FAM171A1: variants seen among roughly 807,000 people sequenced by gnomAD.
The protein encoded by FAM171A1 is protein FAM171A1.
A neutral mutation model predicts 74.9 loss-of-function variants in FAM171A1; 23 were observed. The observed-to-expected ratio is 0.31, with a 90% CI of 0.22 to 0.44. The LOEUF (loss-of-function observed/expected upper bound fraction) is 0.44. Among genes scored for constraint, FAM171A1 ranks in the 20% least tolerant of loss-of-function variants. The pLI, the probability that FAM171A1 is intolerant of heterozygous loss-of-function variation, is 1.00. For missense variants in FAM171A1, 1,162 were observed against 1,159.2 expected, an observed-to-expected ratio of 1.00 and a Z score of -0.03; for synonymous variants, 527 against 505.7, an observed-to-expected ratio of 1.04 and a Z score of -0.57.
At chr10:15,257,029 G>A (rs1834589546) in intron 3 of FAM171A1, among the ~76,000 whole-genome samples, 1 of 152,192 alleles carries the variant, frequency 6.6e-6, no homozygotes, top group South Asian at 2.1e-4. Flanking sequence ...GCTGCTGATA[G>A]TATTCAATGA....
At chr10:15,257,504 G>A (rs1391798595) in intron 3 of FAM171A1, among the ~76,000 whole-genome samples, 1 of 152,182 alleles carries the variant, frequency 6.6e-6, no homozygotes, top group African/African-American at 2.4e-5. Flanking sequence ...AGTGTTACAT[G>A]CATTTGGGTG....
chr10:15,245,183 A>G (rs1454116308), intron 5 of FAM171A1, among the ~76,000 whole-genome samples: 9 of 152,090 alleles, frequency 5.9e-5, no homozygotes, highest in Non-Finnish European at 1.5e-5. Flanking sequence ...CTCCTGCCTC[A>G]GCCTCTGGCG....
chr10:15,302,410 C>T (rs781238115), intron 1 of FAM171A1, among the ~76,000 whole-genome samples: 10 of 151,266 alleles, frequency 6.6e-5, no homozygotes, highest in Non-Finnish European at 1.0e-4. Flanking sequence ...GGTCGCAGTG[C>T]GCCGAAATTG....
At chr10:15,272,881 C>T (rs1834845106) in intron 3 of FAM171A1, among the ~76,000 whole-genome samples, 2 of 152,172 alleles carry the variant, frequency 1.3e-5, no homozygotes, top group Non-Finnish European at 2.9e-5. Flanking sequence ...CTCTGGGACA[C>T]ATTTAAAGCA....
intron 1 of FAM171A1, among the ~76,000 whole-genome samples, chr10:15,290,572 C>A (rs1835091120): frequency 6.6e-6 from 1 of 152,166 alleles, no homozygotes; most frequent in Non-Finnish European, 1.5e-5. Flanking sequence ...AGAGACCAGA[C>A]CCCTGACCCT....
intron 1 of FAM171A1, among the ~76,000 whole-genome samples, chr10:15,294,859 A>G (rs1835142080): frequency 6.6e-6 from 1 of 152,180 alleles, no homozygotes; most frequent in African/African-American, 2.4e-5. Context: ...GGTATTTGAC[A>G]AAACTGCCGA....
rs778300286 is a variant in FAM171A1 at position 15,214,257 on chromosome 10, A to G, written c.1331T>C (p.Phe444Ser). Residue 444 changes from phenylalanine (F) to serine (S), a missense_variant, in exon 8 of 8, where the codon TTT becomes TCT. Coordinates refer to ENST00000378116, the MANE Select transcript of FAM171A1 (RefSeq NM_001010924.2). ...CGTCCCACTTGGAGTGAGGTTATCAAAGGAGATCTGGCTTTTATCCTCTTC... is the reference window on the plus strand; with the variant it reads ...CGTCCCACTTGGAGTGAGGTTATCAGAGGAGATCTGGCTTTTATCCTCTTC... ...CKEEDKSQIS[F>S]DNLTPSGTLG... 4 of 1,614,006 alleles carry G rather than the reference A, an allele frequency of 2.5e-6. No homozygotes were observed. The East Asian group carries it at 8.9e-5, about 36-fold the overall frequency.
intron 1 of FAM171A1, among the ~76,000 whole-genome samples, chr10:15,358,300 A>T (rs1169450115): frequency 2.0e-5 from 3 of 152,176 alleles, no homozygotes; most frequent in Admixed American, 2.0e-4. Flanking sequence ...AAAGAAAGAA[A>T]AATATTAAAC....
chr10:15,371,955 C>T (rs1836155194), upstream of FAM171A1, among the ~76,000 whole-genome samples: 2 of 152,068 alleles, frequency 1.3e-5, no homozygotes, highest in Non-Finnish European at 2.9e-5. Flanking sequence ...GGATTTATAA[C>T]CGAGGACCAG....
At chr10:15,259,356 C>T (rs1834625988) in intron 3 of FAM171A1, among the ~76,000 whole-genome samples, 1 of 152,206 alleles carries the variant, frequency 6.6e-6, no homozygotes. Flanking sequence ...TCTACTGACA[C>T]TGTGACTGTT....
intron 5 of FAM171A1, among the ~76,000 whole-genome samples, chr10:15,239,065 C>T (rs772873123): frequency 6.6e-6 from 1 of 152,104 alleles, no homozygotes; most frequent in Non-Finnish European, 1.5e-5. Context: ...GTCAGATGTC[C>T]GTCTGACAAC....
At chr10:15,247,867 G>A (rs1229291896) in intron 5 of FAM171A1, among the ~76,000 whole-genome samples, 1 of 152,180 alleles carries the variant, frequency 6.6e-6, no homozygotes, top group Non-Finnish European at 1.5e-5. Flanking sequence ...CACGTGGTAA[G>A]GAGGTAAGGC....
chr10:15,258,022 C>T (rs562489024), intron 3 of FAM171A1, among the ~76,000 whole-genome samples: 10 of 152,184 alleles, frequency 6.6e-5, no homozygotes, highest in African/African-American at 2.4e-4. Context: ...ATACGGGGGT[C>T]CCCGCTTCCT....
In FAM171A1 at chr10:15,213,776, C is replaced by G. The variant is rs748984583; in HGVS notation, c.1812G>C (p.Pro604=). The G allele has an allele frequency of 4.6e-5, 74 of 1,613,932 alleles. No individual in the cohort carries two copies. Among genetic ancestry groups the G allele is most frequent in the Middle Eastern group, 1.6e-4 (1 of 6,084 alleles). ...HSYVSQPLVV[P]ADQQLEIERL... ...TTTCTATCTCAAGCTGCTGATCAGCCGGGACGACGAGGGGCTGGCTGACAT... is the reference window on the plus strand; with the variant it reads ...TTTCTATCTCAAGCTGCTGATCAGCGGGGACGACGAGGGGCTGGCTGACAT... Residue 604 remains proline (P), a synonymous_variant, in exon 8 of 8, where the codon CCG becomes CCC. Coordinates refer to ENST00000378116, the MANE Select transcript of FAM171A1 (RefSeq NM_001010924.2). The surrounding 1 kb of genome is among the most constrained non-coding windows in gnomAD (Gnocchi z 6.8).
intron 5 of FAM171A1, chr10:15,241,059 A>C (rs201788593): frequency 6.9e-6 from 1 of 144,108 alleles, no homozygotes; most frequent in African/African-American, 2.5e-5. Context: ...CAAACAAACA[A>C]ACACAAACAA....
At chr10:15,359,081 A>G (rs561025789) in intron 1 of FAM171A1, among the ~76,000 whole-genome samples, 61 of 152,234 alleles carry the variant, frequency 4.0e-4, no homozygotes, top group Non-Finnish European at 6.9e-4. Flanking sequence ...GCTCCTTTGC[A>G]TACTGTCTGG....
At position 15,212,909 on chromosome 10, in the gene FAM171A1, G is replaced by A. The variant is rs373136244; in HGVS notation, c.*6C>T. The A allele has an allele frequency of 7.4e-5, 119 of 1,613,504 alleles. No individual in the cohort carries two copies. The highest frequency in any genetic ancestry group is 9.0e-5 in the Non-Finnish European group (106 of 1,179,922). On this transcript the variant is annotated 3_prime_UTR_variant, in exon 8 of 8. Transcript: ENST00000378116. The stretch of plus-strand genomic sequence containing the variant: ...ATATTCCACAGTCAGGTGGGTCTGC[G>A]ATAGCTCATTTAATGTTAAACGCCA...
chr10:15,348,195 T>C (rs945474990), intron 1 of FAM171A1, among the ~76,000 whole-genome samples: 2 of 152,138 alleles, frequency 1.3e-5, no homozygotes, highest in Admixed American at 6.5e-5. Flanking sequence ...GCCAGGCTCA[T>C]CTCAAACTCC....
At chr10:15,368,552 G>T (rs1352423033) in intron 1 of FAM171A1, among the ~76,000 whole-genome samples, 1 of 152,208 alleles carries the variant, frequency 6.6e-6, no homozygotes, top group Non-Finnish European at 1.5e-5. Context: ...AGCTTTTGGG[G>T]AAGGTAAACA....
Sources: gnomAD v4.1 joint callset for allele counts (sites outside exome capture counted in the v4.1 genomes callset) on GRCh38, gnomAD v4.1.1 for gene constraint, Gnocchi (gnomAD v3.1) non-coding constraint, MANE v1.5 for transcripts, NCBI Gene and HGNC (gene_info 2026-07-23, HGNC 2026-07-21) for gene names.